NIPA1: variants seen among roughly 807,000 people sequenced by gnomAD.
NIPA1 encodes NIPA magnesium transporter 1, also known as magnesium transporter NIPA1.
A neutral mutation model predicts 23.9 loss-of-function variants in NIPA1; 13 were observed. The ratio of observed to expected loss-of-function variants is 0.54; its 90% CI spans 0.35 to 0.87. NIPA1 has a LOEUF of 0.87. NIPA1 is among the 40% of genes least tolerant of loss of function. NIPA1 has a pLI of 0.01. For synonymous variants in NIPA1, 234 were observed against 202.9 expected, an observed-to-expected ratio of 1.15 and a Z score of -1.30; for missense variants, 362 against 429.7, an observed-to-expected ratio of 0.84 and a Z score of 1.39.
chr15:22,796,279 T>C (rs28649041), intron 1 of NIPA1, among the ~76,000 whole-genome samples: 9,061 of 152,022 alleles, frequency 0.06, 887 homozygotes, highest in East Asian at 0.44. Context: ...GGCTGTACTC[T>C]GATGCTGGGC....
chr15:22,786,504 G>A, upstream of NIPA1: 1 of 166,730 alleles, frequency 6.0e-6, no homozygotes, highest in Non-Finnish European at 1.2e-5. Flanking sequence ...TAAGGCGCCG[G>A]TCCCTGGCAC....
intron 1 of NIPA1, among the ~76,000 whole-genome samples, chr15:22,797,206 A>G (rs1894956366): frequency 8.4e-6 from 1 of 119,038 alleles, no homozygotes; most frequent in South Asian, 3.2e-4. Flanking sequence ...TGCCCGGCTA[A>G]TATATTTGGG....
intron 1 of NIPA1, among the ~76,000 whole-genome samples, chr15:22,807,440 C>T (rs545135628): frequency 6.6e-6 from 1 of 152,228 alleles, no homozygotes; most frequent in East Asian, 1.9e-4. Context: ...AAAAGGACAG[C>T]TGGATGTGGT....
At chr15:22,820,182 G>T (rs945640288) in intron 3 of NIPA1, 131 bp from the exon 4 acceptor site, 6 of 667,170 alleles carry the variant, frequency 9.0e-6, no homozygotes, top group Non-Finnish European at 1.3e-5. Flanking sequence ...GGGCAACAGA[G>T]TGGGAGGTGG....
chr15:22,813,958 G>T, intron 3 of NIPA1: 1 of 439,572 alleles, frequency 2.3e-6, no homozygotes, highest in Non-Finnish European at 4.6e-6. Context: ...GGTGATCTTG[G>T]CACGTGGCAC....
chr15:22,814,036 A>G, intron 3 of NIPA1: 1 of 962,840 alleles, frequency 1.0e-6, no homozygotes, highest in South Asian at 1.3e-5. Flanking sequence ...ATGCACTTTG[A>G]TGATTAAGTC....
intron 1 of NIPA1, among the ~76,000 whole-genome samples, chr15:22,799,649 G>T (rs1331995553): frequency 6.6e-6 from 1 of 151,948 alleles, no homozygotes; most frequent in Non-Finnish European, 1.5e-5. Flanking sequence ...AGGTGTGGCG[G>T]CAGGCGCCTG....
At chr15:22,792,583 C>A (rs1894855411) in intron 1 of NIPA1, among the ~76,000 whole-genome samples, 1 of 151,442 alleles carries the variant, frequency 6.6e-6, no homozygotes, top group Admixed American at 6.6e-5. Context: ...TGGTCTCGAT[C>A]TCCTGACCTC....
chr15:22,797,932 C>T (rs1294923918), intron 1 of NIPA1, among the ~76,000 whole-genome samples: 2 of 151,698 alleles, frequency 1.3e-5, no homozygotes, highest in Admixed American at 6.6e-5. Flanking sequence ...GCAAGCTCCG[C>T]CTCCTGGGTT....
intron 1 of NIPA1, among the ~76,000 whole-genome samples, chr15:22,805,712 G>A (rs1265902331): frequency 6.6e-6 from 1 of 151,928 alleles, no homozygotes; most frequent in Non-Finnish European, 1.5e-5. Context: ...AGAAAAATCT[G>A]TAAAAACTAT....
intron 3 of NIPA1, among the ~76,000 whole-genome samples, chr15:22,815,039 C>T (rs4778325): frequency 0.35 from 53,149 of 151,968 alleles, 10,777 homozygotes; most frequent in East Asian, 0.58. Flanking sequence ...ATGTCCCCTG[C>T]GGGGCAAACC....
intron 1 of NIPA1, among the ~76,000 whole-genome samples, chr15:22,808,442 G>C (rs1389227815): frequency 1.3e-5 from 2 of 152,166 alleles, no homozygotes; most frequent in African/African-American, 2.4e-5. Context: ...GTAGGGCGTG[G>C]CTCAGGGCTG....
At position 22,829,106 on chromosome 15, in the gene NIPA1, A is replaced by G. The variant is rs1040645447; in HGVS notation, c.*4867A>G. 5.3e-5 allele frequency: 8 copies of G among 152,198 alleles called. No homozygotes were observed. Among genetic ancestry groups the G allele is most frequent in the African/African-American group, 1.9e-4 (8 of 41,438 alleles). 9.4% of individuals were successfully genotyped at this position (152,198 alleles called of 1,614,324 possible). ...TTTGTTTTAAAAGAAAGGGTTTTAT[A>G]TGTTCTATTGTAAAATATGGAAATT... On this transcript the variant is annotated 3_prime_UTR_variant, in exon 5 of 5. Coordinates refer to ENST00000337435, the MANE Select transcript of NIPA1 (RefSeq NM_144599.5).
chr15:22,828,610 C>A lies in NIPA1; in HGVS notation c.*4371C>A, dbSNP rs1895696476. ...ATTTTAAGAAAATGTAACTTTGTTA[C>A]ATCAAAATATGTTGTCTAGTAAAAA... On this transcript the variant is annotated 3_prime_UTR_variant, in exon 5 of 5. Coordinates refer to ENST00000337435, the MANE Select transcript of NIPA1 (RefSeq NM_144599.5). 6.6e-6 allele frequency: 1 copy of A among 152,538 alleles called. No individual in the cohort carries two copies. The highest frequency in any genetic ancestry group is 1.5e-5 in the Non-Finnish European group (1 of 68,020). The allele number at this position is 152,538 out of a possible 1,614,324, so 9.4% of individuals were successfully genotyped here.
chr15:22,799,971 A>AAG, intron 1 of NIPA1, among the ~76,000 whole-genome samples: 1 of 113,276 alleles, frequency 8.8e-6, no homozygotes, highest in African/African-American at 3.1e-5. Flanking sequence ...AAAAAAAAAA[A>AAG]GGGAAAGAAA....
intron 3 of NIPA1, among the ~76,000 whole-genome samples, chr15:22,815,792 T>A (rs934930939): frequency 1.3e-5 from 2 of 152,136 alleles, no homozygotes; most frequent in African/African-American, 4.8e-5. Flanking sequence ...CAAAGTAGAT[T>A]TAGCATTGAA....
intron 1 of NIPA1, among the ~76,000 whole-genome samples, chr15:22,807,602 A>T (rs555653736): frequency 6.6e-6 from 1 of 152,110 alleles, no homozygotes; most frequent in Non-Finnish European, 1.5e-5. Flanking sequence ...GAAAAAAAAA[A>T]TCTAAAAACC....
chr15:22,826,953 T>G lies in NIPA1; in HGVS notation c.*2714T>G, dbSNP rs1895664456. ...GCATATAACTTCTGATTTGATAGTA[T>G]TTATTTTAAAAAATTATGTTTTCAT... On this transcript the variant is annotated 3_prime_UTR_variant, in exon 5 of 5. Coordinates refer to ENST00000337435, the MANE Select transcript of NIPA1 (RefSeq NM_144599.5). 1 of 152,172 alleles carries G rather than the reference T, an allele frequency of 6.6e-6. No individual in the cohort carries two copies. The highest frequency in any genetic ancestry group is 2.4e-5 in the African/African-American group (1 of 41,424). The allele number at this position is 152,172 out of a possible 1,614,324, so 9.4% of individuals were successfully genotyped here.
chr15:22,810,830 C>T, intron 2 of NIPA1, 34 bp downstream of exon 2: 1 of 1,555,212 alleles, frequency 6.4e-7, no homozygotes. Context: ...CTGGTCTTTT[C>T]CTTTCTTAGA....
Sources: allele counts gnomAD v4.1 joint callset (sites outside exome capture counted in the v4.1 genomes callset), GRCh38; gene constraint gnomAD v4.1.1; transcripts MANE v1.5; gene names NCBI Gene and HGNC (gene_info 2026-07-23, HGNC 2026-07-21).